CCSER1: variants seen among roughly 807,000 people sequenced by gnomAD.
CCSER1 encodes the protein serine-rich coiled-coil domain-containing protein 1.
In CCSER1, 41 loss-of-function variants were observed where a neutral mutation model predicts 82.0. The ratio of observed to expected loss-of-function variants is 0.50; its 90% CI spans 0.39 to 0.65. CCSER1 has a LOEUF of 0.65. CCSER1 is among the 30% of genes least tolerant of loss of function. CCSER1 has a pLI of 0.00. For missense variants in CCSER1, 1,119 were observed against 1,064.2 expected (o/e 1.05, Z -0.72); for synonymous variants, 414 against 383.9 (o/e 1.08, Z -0.92).
chr4:91,121,428 T>A (rs1222409217), intron 10 of CCSER1, among the ~76,000 whole-genome samples: 1 of 151,752 alleles, frequency 6.6e-6, no homozygotes, highest in Non-Finnish European at 1.5e-5. Context: ...AGAAGTTGTC[T>A]AAGAGGAAAC....
rs74410916 is a variant in CCSER1 at position 90,315,587 on chromosome 4, C to T, written c.1509+2540C>T. Among the ~76,000 whole-genome samples the T allele has an allele frequency of 8.0e-3, 1,223 of 152,204 alleles. 35 individuals carry two copies. In the East Asian group the frequency reaches 0.11, roughly 14 times the overall value. The stretch of plus-strand genomic sequence containing the variant: ...TGGTGCAGTCTCGGCTCTCTGCAAC[C>T]TCCCCTCCCCGGTTCAAGTGATTCT... On this transcript the variant is annotated intron_variant, in intron 3 of 10. Coordinates refer to ENST00000509176, the MANE Select transcript of CCSER1 (RefSeq NM_001145065.2).
chr4:91,379,855 A>G (rs1005609334), intron 10 of CCSER1, among the ~76,000 whole-genome samples: 2 of 152,098 alleles, frequency 1.3e-5, no homozygotes, highest in Admixed American at 1.3e-4. Context: ...TCAATTTTAG[A>G]TCTTTCCTGC....
At chr4:90,631,076 G>A (rs796289606) in intron 6 of CCSER1, among the ~76,000 whole-genome samples, 30 of 151,950 alleles carry the variant, frequency 2.0e-4, no homozygotes, top group African/African-American at 7.2e-4. Flanking sequence ...TGTATTTTTA[G>A]TAGAGACGGG....
intron 1 of CCSER1, among the ~76,000 whole-genome samples, chr4:90,222,540 G>A (rs1305892754): frequency 6.6e-6 from 1 of 152,122 alleles, no homozygotes; most frequent in Non-Finnish European, 1.5e-5. Context: ...ATGGGAATTA[G>A]AACAAGGGAA....
chr4:91,175,489 T>G (rs1295247057), intron 10 of CCSER1, among the ~76,000 whole-genome samples: 1 of 152,184 alleles, frequency 6.6e-6, no homozygotes, highest in African/African-American at 2.4e-5. Flanking sequence ...CACCTGTTGT[T>G]TCCTGACTTT....
intron 10 of CCSER1, among the ~76,000 whole-genome samples, chr4:91,430,975 G>A (rs1167778873): frequency 1.3e-5 from 2 of 152,278 alleles, no homozygotes; most frequent in East Asian, 3.9e-4. Flanking sequence ...GGTGGCTCAC[G>A]CCTGTAATCC....
intron 5 of CCSER1, among the ~76,000 whole-genome samples, chr4:90,510,555 T>C (rs1433921455): frequency 6.6e-6 from 1 of 152,242 alleles, no homozygotes; most frequent in Admixed American, 6.5e-5. Flanking sequence ...TTCAACGTTG[T>C]CTTTTCCAGC....
At chr4:90,831,769 A>C (rs905796251) in intron 8 of CCSER1, among the ~76,000 whole-genome samples, 72 of 152,266 alleles carry the variant, frequency 4.7e-4, no homozygotes, top group Non-Finnish European at 3.7e-4. Flanking sequence ...ATTAGGTAAA[A>C]TTTAGTTTAG....
At chr4:90,330,041 T>A (rs577967881) in intron 3 of CCSER1, among the ~76,000 whole-genome samples, 3 of 152,288 alleles carry the variant, frequency 2.0e-5, no homozygotes, top group South Asian at 4.1e-4. Flanking sequence ...TAATGATAGA[T>A]TATTTATTTT....
chr4:91,087,171 TTTTCATCCG>T (rs1723474275), intron 10 of CCSER1, among the ~76,000 whole-genome samples: 1 of 152,026 alleles, frequency 6.6e-6, no homozygotes, highest in Admixed American at 6.6e-5. Flanking sequence ...AAAGTGAAAG[TTTTCATCCG>T]AGCAGTACTG....
intron 10 of CCSER1, among the ~76,000 whole-genome samples, chr4:91,539,326 T>C (rs1011143966): frequency 6.6e-6 from 1 of 152,110 alleles, no homozygotes; most frequent in African/African-American, 2.4e-5. Flanking sequence ...TCTTTATCCA[T>C]GATATAGTTG....
intron 5 of CCSER1, among the ~76,000 whole-genome samples, chr4:90,497,035 T>G (rs981449202): frequency 2.2e-5 from 3 of 133,852 alleles, no homozygotes; most frequent in African/African-American, 8.3e-5. Flanking sequence ...ATCAAATACA[T>G]AGAAGGAAAG....
intron 4 of CCSER1, among the ~76,000 whole-genome samples, chr4:90,451,848 T>G (rs894730557): frequency 1.8e-4 from 27 of 152,204 alleles, no homozygotes; most frequent in African/African-American, 6.3e-4. Flanking sequence ...AGTGTATTAC[T>G]ACCACTTTCC....
intron 5 of CCSER1, among the ~76,000 whole-genome samples, chr4:90,512,963 A>G (rs1403432513): frequency 3.3e-5 from 5 of 152,144 alleles, no homozygotes; most frequent in Non-Finnish European, 7.4e-5. Context: ...ATATTAACAA[A>G]TGTTGAAGTT....
intron 1 of CCSER1, among the ~76,000 whole-genome samples, chr4:90,281,904 G>A (rs1344728543): frequency 6.6e-6 from 1 of 151,942 alleles, no homozygotes; most frequent in African/African-American, 2.4e-5. Flanking sequence ...AGTCACCATG[G>A]GAATACCCGT....
At chr4:90,906,322 A>T (rs753002012) in intron 8 of CCSER1, among the ~76,000 whole-genome samples, 3 of 152,104 alleles carry the variant, frequency 2.0e-5, no homozygotes, top group Non-Finnish European at 4.4e-5. Flanking sequence ...TGGTCTGTGT[A>T]TACAGTTTGT....
intron 3 of CCSER1, among the ~76,000 whole-genome samples, chr4:90,321,496 G>A (rs989269989): frequency 6.6e-6 from 1 of 152,090 alleles, no homozygotes; most frequent in Non-Finnish European, 1.5e-5. Context: ...GCATGTCCTG[G>A]CTATTGTGAA....
At chr4:90,798,009 A>C (rs1756273454) in intron 7 of CCSER1, among the ~76,000 whole-genome samples, 1 of 152,084 alleles carries the variant, frequency 6.6e-6, no homozygotes, top group African/African-American at 2.4e-5. Flanking sequence ...TATGAATTTG[A>C]ATGTTGGCCT....
chr4:90,636,819 T>C (rs1202731478), intron 6 of CCSER1, among the ~76,000 whole-genome samples: 1 of 152,024 alleles, frequency 6.6e-6, no homozygotes, highest in Non-Finnish European at 1.5e-5. Flanking sequence ...GTGCTAGAGG[T>C]CCTAGCTAGG....
Sources: gnomAD v4.1 joint callset for allele counts (sites outside exome capture counted in the v4.1 genomes callset) on GRCh38, gnomAD v4.1.1 for gene constraint, MANE v1.5 for transcripts, NCBI Gene and HGNC (gene_info 2026-07-23, HGNC 2026-07-21) for gene names.